Variants in NTM observed in about 807,000 individuals in gnomAD.
NTM encodes the protein neurotrimin, also known as IgLON family member 2.
Under a neutral mutation model 42.1 loss-of-function variants are expected in NTM, and 13 were observed. The ratio of observed to expected loss-of-function variants is 0.31; its 90% confidence interval spans 0.20 to 0.49. NTM has a LOEUF of 0.49. Ranked by LOEUF, NTM falls within the 20% of genes least tolerant of loss-of-function variation. The pLI is 0.99. For synonymous variants in NTM, 187 were observed against 179.2 expected (o/e 1.04, Z -0.35); for missense variants, 373 against 452.8 (o/e 0.82, Z 1.60).
At chr11:132,156,348 C>G (rs1480746520) in intron 3 of NTM, among the ~76,000 whole-genome samples, 1 of 152,142 alleles carries the variant, frequency 6.6e-6, no homozygotes, top group Non-Finnish European at 1.5e-5. Flanking sequence ...TCCTGGAATT[C>G]TCTTTTGCTT....
chr11:132,220,471 G>A (rs1252150699), intron 4 of NTM, among the ~76,000 whole-genome samples: 2 of 152,188 alleles, frequency 1.3e-5, no homozygotes, highest in Non-Finnish European at 2.9e-5. Flanking sequence ...TTATAGCTGT[G>A]TAACTTCCTA....
intron 1 of NTM, among the ~76,000 whole-genome samples, chr11:131,839,772 C>T (rs972161682): frequency 2.0e-5 from 3 of 152,202 alleles, no homozygotes; most frequent in South Asian, 4.1e-4. Flanking sequence ...GTTGGGAAAA[C>T]AGTATGGAAA....
intron 1 of NTM, among the ~76,000 whole-genome samples, chr11:131,815,106 C>T (rs1019679182): frequency 6.6e-6 from 1 of 152,110 alleles, no homozygotes; most frequent in Non-Finnish European, 1.5e-5. Flanking sequence ...CTTCTGTCAC[C>T]CTCAGGATCA....
Position 132,058,207 on chromosome 11 carries a change from AT to A in NTM, c.168-88072del, listed in dbSNP as rs1165387177. Among the ~76,000 whole-genome samples, 3 of 152,160 alleles carry A rather than the reference AT, an allele frequency of 2.0e-5. No individual in the cohort carries two copies. The East Asian group carries it at 5.8e-4, about 29-fold the overall frequency. ...CCCATCTCTGTAACGCTGAATGACCATTTGTCTGCTTGTTGCCTGTCCTTGC... is the reference window on the plus strand; with the variant it reads ...CCCATCTCTGTAACGCTGAATGACCATTGTCTGCTTGTTGCCTGTCCTTGC... On this transcript the variant is annotated intron_variant, in intron 2 of 8. Transcript: ENST00000683400.
At chr11:131,544,056 C>A (rs1468092468) in intron 1 of NTM, among the ~76,000 whole-genome samples, 1 of 152,082 alleles carries the variant, frequency 6.6e-6, no homozygotes, top group Non-Finnish European at 1.5e-5. Flanking sequence ...TTTAGCAAAT[C>A]TTGGGTTACT....
chr11:132,182,813 C>T (rs1036904464), intron 3 of NTM, among the ~76,000 whole-genome samples: 4 of 152,150 alleles, frequency 2.6e-5, no homozygotes, highest in African/African-American at 9.7e-5. Context: ...CCCAAGTTAT[C>T]CTTTTACCAT....
chr11:131,975,704 G>C (rs748772252), intron 2 of NTM, among the ~76,000 whole-genome samples: 1 of 151,932 alleles, frequency 6.6e-6, no homozygotes, highest in Non-Finnish European at 1.5e-5. Context: ...TTTTCTCCAC[G>C]GTTTCCTTCC....
In NTM at chr11:131,520,434, G is replaced by A. The variant is rs146736901; in HGVS notation, c.82+149546G>A. Among the ~76,000 whole-genome samples, 203 of 152,140 alleles carry A rather than the reference G, an allele frequency of 1.3e-3. 1 individual carries two copies. Among genetic ancestry groups the A allele is most frequent in the African/African-American group, 4.7e-3 (195 of 41,518 alleles). On this transcript the variant is annotated intron_variant, in intron 1 of 8. Transcript: ENST00000683400. Reference sequence around the variant, plus strand: ...TCTTGGAACCAGGAGTCCACTGGGCGGCATTACACCAAGAAGTTCAAAGGA... The same window carrying A: ...TCTTGGAACCAGGAGTCCACTGGGCAGCATTACACCAAGAAGTTCAAAGGA...
intron 1 of NTM, among the ~76,000 whole-genome samples, chr11:131,840,343 C>A (rs914195716): frequency 6.6e-6 from 1 of 152,114 alleles, no homozygotes; most frequent in East Asian, 1.9e-4. Context: ...CCTCAGGAGG[C>A]AAACCAAGAG....
chr11:132,035,915 C>T (rs2076454507), intron 2 of NTM, among the ~76,000 whole-genome samples: 2 of 152,164 alleles, frequency 1.3e-5, no homozygotes, highest in Admixed American at 1.3e-4. Flanking sequence ...TAAGAATTCC[C>T]TTATCTCTCC....
At chr11:131,497,020 AG>A in intron 1 of NTM, among the ~76,000 whole-genome samples, 1 of 152,196 alleles carries the variant, frequency 6.6e-6, no homozygotes, top group African/African-American at 2.4e-5. Flanking sequence ...TCGATAATTC[AG>A]GGATTGGGCT....
At chr11:131,372,598 G>C (rs1941372907) in intron 1 of NTM, among the ~76,000 whole-genome samples, 1 of 152,046 alleles carries the variant, frequency 6.6e-6, no homozygotes, top group South Asian at 2.1e-4. Context: ...GCAAGGGGTA[G>C]GGTGAGGGGT....
chr11:131,610,332 C>G (rs867588482), intron 1 of NTM, among the ~76,000 whole-genome samples: 2 of 152,206 alleles, frequency 1.3e-5, no homozygotes, highest in Non-Finnish European at 2.9e-5. Context: ...CCACCCAAAA[C>G]AACTGCTGAA....
Position 132,290,690 on chromosome 11 carries a change from G to A in NTM, c.527-16999G>A, listed in dbSNP as rs550840943. ...TTAATGGACCTTTACTCTGAAGGGA[G>A]AGAGAGATAAATAACCCATCCATTT... On this transcript the variant is annotated intron_variant, in intron 4 of 8. Coordinates refer to ENST00000683400, the MANE Select transcript of NTM (RefSeq NM_001352005.2). Among the ~76,000 whole-genome samples, 22 of 152,280 alleles carry A rather than the reference G, an allele frequency of 1.4e-4. No individual in the cohort carries two copies. In the South Asian group the frequency reaches 4.4e-3, roughly 30 times the overall value.
At chr11:131,934,632 G>A (rs1208206345) in intron 2 of NTM, among the ~76,000 whole-genome samples, 1 of 152,230 alleles carries the variant, frequency 6.6e-6, no homozygotes, top group Non-Finnish European at 1.5e-5. Flanking sequence ...GGAAAGTGCT[G>A]TGACGGAGGC....
Position 132,261,283 on chromosome 11 carries a change from C to T in NTM, c.527-46406C>T, listed in dbSNP as rs373287626. On this transcript the variant is annotated intron_variant, in intron 4 of 8. Transcript: ENST00000683400. ...ATGTCACCTCATTTCTCTGAGCCTC[C>T]ATTTCCTCATGCTTAAAATCAGGTT... Among the ~76,000 whole-genome samples the T allele has an allele frequency of 2.6e-5, 4 of 152,312 alleles. No individual in the cohort carries two copies. The East Asian group carries it at 7.7e-4, about 29-fold the overall frequency.
intron 1 of NTM, among the ~76,000 whole-genome samples, chr11:131,864,296 G>T (rs1677072442): frequency 1.3e-5 from 2 of 151,788 alleles, no homozygotes; most frequent in African/African-American, 4.8e-5. Context: ...CGACTCCTTT[G>T]CTTAATGCGG....
intron 2 of NTM, among the ~76,000 whole-genome samples, chr11:132,123,693 C>T (rs2065205776): frequency 1.3e-5 from 2 of 152,186 alleles, no homozygotes; most frequent in African/African-American, 4.8e-5. Flanking sequence ...GGCAATAGCT[C>T]CTCTGAGGCA....
intron 1 of NTM, among the ~76,000 whole-genome samples, chr11:131,688,872 TGA>T (rs1162813175): frequency 2.0e-5 from 3 of 152,258 alleles, no homozygotes. Context: ...CATCCCCGTC[TGA>T]GATGGTGTCA....
Sources: gnomAD v4.1 joint callset for allele counts (sites outside exome capture counted in the v4.1 genomes callset) on GRCh38, gnomAD v4.1.1 for gene constraint, MANE v1.5 for transcripts, NCBI Gene and HGNC (gene_info 2026-07-23, HGNC 2026-07-21) for gene names.